FNIP2: variants seen among roughly 807,000 people sequenced by gnomAD.
FNIP2 encodes the protein folliculin-interacting protein 2.
A neutral mutation model predicts 108.7 loss-of-function variants in FNIP2; 32 were observed. The ratio of observed to expected loss-of-function variants is 0.29; its 90% confidence interval spans 0.22 to 0.40. FNIP2 has a LOEUF of 0.40. Ranked by LOEUF, FNIP2 falls within the 10% of genes least tolerant of loss-of-function variation. The pLI, the probability that FNIP2 is intolerant of heterozygous loss-of-function variation, is 1.00. For synonymous variants in FNIP2, 480 were observed against 496.7 expected, an observed-to-expected ratio of 0.97 and a Z score of 0.45; for missense variants, 1,202 against 1,381.6, an observed-to-expected ratio of 0.87 and a Z score of 2.06.
chr4:158,772,194 C>A (rs773012470), intron 1 of FNIP2, among the ~76,000 whole-genome samples: 2 of 152,106 alleles, frequency 1.3e-5, no homozygotes, highest in Non-Finnish European at 2.9e-5. Flanking sequence ...ATGATTATGG[C>A]ATTTACATTT....
At chr4:158,834,327 T>TCTCTCTCTCTCTCTCTCC (rs1447356630) in intron 6 of FNIP2, 1 of 150,324 alleles carries the variant, frequency 6.7e-6, no homozygotes, top group Non-Finnish European at 1.5e-5. Context: ...TCTCTCTCTC[T>TCTCTCTCTCTCTCTCTCC]CTCCCTCTCT....
In FNIP2 at chr4:158,769,331, C is replaced by G; in HGVS notation, c.107+12C>G. The G allele has an allele frequency of 6.8e-7, 1 of 1,475,120 alleles. No individual in the cohort carries two copies. Among genetic ancestry groups the G allele is most frequent in the East Asian group, 2.8e-5 (1 of 35,366 alleles). 91.4% of individuals were successfully genotyped at this position (1,475,120 alleles called of 1,614,324 possible). On this transcript the variant is annotated intron_variant, in intron 1 of 16. Coordinates refer to ENST00000264433, the MANE Select transcript of FNIP2 (RefSeq NM_020840.3). ...GGACCCGCCTTTAGGTGAGGGGGCGCCGGGGGGCAATTCTGGCGCGGGACC... is the reference window on the plus strand; with the variant it reads ...GGACCCGCCTTTAGGTGAGGGGGCGGCGGGGGGCAATTCTGGCGCGGGACC...
At chr4:158,832,714 A>G (rs528541621) in intron 5 of FNIP2, among the ~76,000 whole-genome samples, 1 of 152,196 alleles carries the variant, frequency 6.6e-6, no homozygotes, top group African/African-American at 2.4e-5. Context: ...ACTCTTCAAC[A>G]AAACAGTTTG....
Position 158,868,394 on chromosome 4 carries a change from A to G in FNIP2, c.1758A>G (p.Thr586=), listed in dbSNP as rs1036068368. ...TTGTACCCCCCATCCTACCACCAAC[A>G]GCAGCAGAGAGACACAACCCCTGGC... ...PALVPPILPP[T]AAERHNPWPT... The change falls in exon 13 of 17, where the codon ACA becomes ACG. Residue 586 remains threonine (T), a synonymous_variant. Coordinates refer to ENST00000264433, the MANE Select transcript of FNIP2 (RefSeq NM_020840.3). This position sits in a 1 kb window ranked among gnomAD's most constrained non-coding sequence, Gnocchi z 4.6. 1 of 1,614,028 alleles carries G rather than the reference A, an allele frequency of 6.2e-7. No individual in the cohort carries two copies. Among genetic ancestry groups the G allele is most frequent in the Non-Finnish European group, 8.5e-7 (1 of 1,179,898 alleles).
chr4:158,774,445 A>G (rs889811493), intron 1 of FNIP2, among the ~76,000 whole-genome samples: 1 of 152,182 alleles, frequency 6.6e-6, no homozygotes, highest in African/African-American at 2.4e-5. Flanking sequence ...CATATTCTAC[A>G]CTGTGAGGGA....
chr4:158,822,291 CCT>C (rs1777928969), intron 1 of FNIP2, among the ~76,000 whole-genome samples: 1 of 151,180 alleles, frequency 6.6e-6, no homozygotes, highest in Non-Finnish European at 1.5e-5. Context: ...GATTCTACCA[CCT>C]CAGCCTCCGC....
At chr4:158,843,347 C>T (rs2126629578) in intron 7 of FNIP2, among the ~76,000 whole-genome samples, 1 of 152,286 alleles carries the variant, frequency 6.6e-6, no homozygotes, top group East Asian at 1.9e-4. Flanking sequence ...TCATTTCTGT[C>T]ACACTTGAAG....
At chr4:158,826,180 G>A (rs990868692) in intron 2 of FNIP2, 138 bp downstream of exon 2, 2 of 1,230,810 alleles carry the variant, frequency 1.6e-6, no homozygotes, top group Admixed American at 2.5e-5. Flanking sequence ...ACATAAGCAA[G>A]CATTGAATCC....
At chr4:158,773,981 A>G (rs1272217032) in intron 1 of FNIP2, among the ~76,000 whole-genome samples, 3 of 152,232 alleles carry the variant, frequency 2.0e-5, no homozygotes, top group East Asian at 1.9e-4. Flanking sequence ...ATGACATTCT[A>G]TAGCATCCAA....
intron 1 of FNIP2, among the ~76,000 whole-genome samples, chr4:158,775,263 G>A (rs1261829773): frequency 6.6e-6 from 1 of 152,160 alleles, no homozygotes; most frequent in East Asian, 1.9e-4. Context: ...GATTGTACAA[G>A]CCCCTTGCTT....
At position 158,869,766 on chromosome 4, in the gene FNIP2, G is replaced by A. The variant is rs536130226; in HGVS notation, c.2792+338G>A. 4.6e-5 allele frequency among the ~76,000 whole-genome samples: 7 copies of A among 152,326 alleles called. No homozygotes were observed. The South Asian group carries it at 8.3e-4, about 18-fold the overall frequency. Reference sequence around the variant, plus strand: ...TTTCTGTCAACTGCAGAGAAGGTCCGTGGCTGGCAGCAGATGCCTTGCTTC... The same window carrying A: ...TTTCTGTCAACTGCAGAGAAGGTCCATGGCTGGCAGCAGATGCCTTGCTTC... On this transcript the variant is annotated intron_variant, in intron 13 of 16. Transcript: ENST00000264433.
At chr4:158,865,627 G>A (rs71609011) in intron 12 of FNIP2, among the ~76,000 whole-genome samples, 2,433 of 152,252 alleles carry the variant, frequency 0.016, 30 homozygotes, top group Non-Finnish European at 0.022. Flanking sequence ...TTTTGGATAA[G>A]TAATGCTTCT....
At chr4:158,895,116 CTA>C in intron 15 of FNIP2, among the ~76,000 whole-genome samples, 1 of 152,274 alleles carries the variant, frequency 6.6e-6, no homozygotes, top group East Asian at 1.9e-4. Context: ...AAGCTGAACA[CTA>C]TTCCAAGGGT....
chr4:158,861,660 C>T lies in FNIP2; in HGVS notation c.1349C>T (p.Pro450Leu). The T allele has an allele frequency of 1.2e-6, 2 of 1,614,000 alleles. No individual in the cohort carries two copies. Among genetic ancestry groups the T allele is most frequent in the South Asian group, 1.1e-5 (1 of 91,080 alleles). ...TTAACCTACCACCTGGCCTGGGTCCCAACTGTCATGCCTGTGGATCACCCT... is the reference window on the plus strand; with the variant it reads ...TTAACCTACCACCTGGCCTGGGTCCTAACTGTCATGCCTGTGGATCACCCT... ...AVLTYHLAWV[P>L]TVMPVDHPPI... The change falls in exon 12 of 17, where the codon CCA becomes CTA. Residue 450 changes from proline to leucine, a missense_variant. Pro to Leu is a moderately conservative substitution (Grantham distance 98). This residue lies in a region of FNIP2 where 878 missense variants were observed against 990.3 expected (regional missense o/e 0.89). Transcript: ENST00000264433.
Position 158,832,063 on chromosome 4 carries a change from A to G in FNIP2, c.483-4A>G, listed in dbSNP as rs1778516551. ...TTTCCCCTCTCCTTTTTTCCCCTCCACAGTTCTCCTCCACAACTGATGATT... is the reference window on the plus strand; with the variant it reads ...TTTCCCCTCTCCTTTTTTCCCCTCCGCAGTTCTCCTCCACAACTGATGATT... On this transcript the variant is annotated splice_polypyrimidine_tract_variant and splice_region_variant and intron_variant, in intron 4 of 16. Coordinates refer to ENST00000264433, the MANE Select transcript of FNIP2 (RefSeq NM_020840.3). The G allele has an allele frequency of 6.2e-7, 1 of 1,613,210 alleles. No homozygotes were observed. The highest frequency in any genetic ancestry group is 8.5e-7 in the Non-Finnish European group (1 of 1,179,406).
intron 1 of FNIP2, 68 bp from the exon 2 acceptor site, chr4:158,825,848 C>T: frequency 6.4e-7 from 1 of 1,552,784 alleles, no homozygotes; most frequent in Non-Finnish European, 8.8e-7. Flanking sequence ...GACTGGGAAG[C>T]TTATCTGTCT....
chr4:158,859,577 G>T lies in FNIP2; in HGVS notation c.1060-1G>T. The T allele has an allele frequency of 6.2e-7, 1 of 1,611,430 alleles. No individual in the cohort carries two copies. Among genetic ancestry groups the T allele is most frequent in the Non-Finnish European group, 8.5e-7 (1 of 1,178,426 alleles). ...TTTGACTTGCTTTCTCTTCAATAAA[G>T]GCTATGATCTCCTGTAGGAAAATAG... On this transcript the variant is annotated splice_acceptor_variant, in intron 9 of 16. Coordinates refer to ENST00000264433, the MANE Select transcript of FNIP2 (RefSeq NM_020840.3). LOFTEE classifies it high-confidence loss of function.
At chr4:158,855,653 G>A (rs1159141419) in intron 8 of FNIP2, among the ~76,000 whole-genome samples, 3 of 152,024 alleles carry the variant, frequency 2.0e-5, no homozygotes, top group African/African-American at 7.2e-5. Flanking sequence ...TCACCATGTT[G>A]GCCAGGATGG....
At chr4:158,798,554 C>A (rs886750661) in intron 1 of FNIP2, among the ~76,000 whole-genome samples, 1 of 152,204 alleles carries the variant, frequency 6.6e-6, no homozygotes, top group East Asian at 1.9e-4. Context: ...CTGCCACTAT[C>A]ATGTAAACTT....
Sources: allele counts gnomAD v4.1 joint callset (sites outside exome capture counted in the v4.1 genomes callset), GRCh38; gene constraint gnomAD v4.1.1; regional missense constraint gnomAD v4.1.1; non-coding constraint Gnocchi (gnomAD v3.1); transcripts MANE v1.5; gene names NCBI Gene and HGNC (gene_info 2026-07-23, HGNC 2026-07-21).